The following SLC44A1 variants were observed in gnomAD, a reference collection of about 807,000 sequenced individuals.
SLC44A1 encodes choline transporter-like protein 1.
Under a neutral mutation model 79.3 loss-of-function variants are expected in SLC44A1, and 26 were observed. The observed-to-expected ratio is 0.33, with a 90% CI of 0.24 to 0.46. The LOEUF (loss-of-function observed/expected upper bound fraction) is 0.46, where lower values mean the gene tolerates loss of function less well. SLC44A1 is among the 20% of genes least tolerant of loss of function. The pLI, the probability that SLC44A1 is intolerant of heterozygous loss-of-function variation, is 1.00. For missense variants in SLC44A1, 688 were observed against 798.1 expected, an observed-to-expected ratio of 0.86 and a Z score of 1.66; for synonymous variants, 263 against 286.2, an observed-to-expected ratio of 0.92 and a Z score of 0.82.
At chr9:105,271,193 C>A (rs918435626) in intron 1 of SLC44A1, among the ~76,000 whole-genome samples, 2 of 152,194 alleles carry the variant, frequency 1.3e-5, no homozygotes, top group Admixed American at 1.3e-4. Flanking sequence ...ATAATCTTGA[C>A]AGGTTTTCTC....
intron 1 of SLC44A1, among the ~76,000 whole-genome samples, chr9:105,292,107 GGCT>G (rs1388266325): frequency 6.6e-6 from 1 of 152,116 alleles, no homozygotes; most frequent in Non-Finnish European, 1.5e-5. Context: ...CAGCCTCCGA[GGCT>G]GCTATTTATT....
chr9:105,369,918 C>T (rs1399977784), intron 12 of SLC44A1, among the ~76,000 whole-genome samples: 2 of 152,216 alleles, frequency 1.3e-5, no homozygotes. Flanking sequence ...CCAGGGATTG[C>T]GTAGGCTAAC....
intron 1 of SLC44A1, among the ~76,000 whole-genome samples, chr9:105,246,840 C>T (rs762201008): frequency 2.6e-5 from 4 of 152,214 alleles, no homozygotes; most frequent in Non-Finnish European, 5.9e-5. Flanking sequence ...GTGGGTCTTG[C>T]ATTTGTCTAG....
rs1250696637 is a variant in SLC44A1 at position 105,391,941 on chromosome 9, C to T, written c.*2885C>T. 5.1e-6 allele frequency: 5 copies of T among 985,048 alleles called. No individual in the cohort carries two copies. The highest frequency in any genetic ancestry group is 4.7e-5 in the South Asian group (1 of 21,272). The allele number at this position is 985,048 out of a possible 1,614,324, so 61.0% of individuals were successfully genotyped here. A position where few individuals can be genotyped will look rare whatever the true frequency, so the allele number is the denominator to read the frequency against. On this transcript the variant is annotated 3_prime_UTR_variant, in exon 16 of 16. Transcript: ENST00000374720. ...TCAATTGTAGTAGTGACCAGAGTATCGTGGTTTTTGCCATCAGATAATTAA... is the reference window on the plus strand; with the variant it reads ...TCAATTGTAGTAGTGACCAGAGTATTGTGGTTTTTGCCATCAGATAATTAA...
At chr9:105,261,849 G>A (rs574246760) in intron 1 of SLC44A1, among the ~76,000 whole-genome samples, 24 of 145,424 alleles carry the variant, frequency 1.7e-4, no homozygotes, top group Admixed American at 7.2e-4. Flanking sequence ...GCACGATCTC[G>A]GCTCACTGCA....
intron 5 of SLC44A1, among the ~76,000 whole-genome samples, chr9:105,351,449 G>A (rs1329022769): frequency 2.6e-5 from 4 of 151,724 alleles, no homozygotes; most frequent in East Asian, 3.9e-4. Context: ...CATGAGAATC[G>A]CTTGAACCTG....
intron 1 of SLC44A1, among the ~76,000 whole-genome samples, chr9:105,284,209 A>G (rs149956306): frequency 2.1e-5 from 3 of 140,834 alleles, no homozygotes; most frequent in East Asian, 2.0e-4. Context: ...TCCATTTCCT[A>G]TTTTCTGACA....
chr9:105,411,452 ATG>A (rs143819316), intron 15 of SLC44A1, among the ~76,000 whole-genome samples: 5,285 of 126,884 alleles, frequency 0.042, 93 homozygotes, highest in Middle Eastern at 0.094. Context: ...CTCTCTGTGT[ATG>A]TGTGTGTGTG....
chr9:105,286,774 G>T (rs1304175300), intron 1 of SLC44A1, among the ~76,000 whole-genome samples: 1 of 152,034 alleles, frequency 6.6e-6, no homozygotes, highest in African/African-American at 2.4e-5. Context: ...ACCAGCCTGG[G>T]CAACATAAAC....
intron 1 of SLC44A1, among the ~76,000 whole-genome samples, chr9:105,276,097 T>G (rs897225187): frequency 1.1e-4 from 17 of 152,112 alleles, no homozygotes; most frequent in African/African-American, 3.9e-4. Context: ...TGAGCCTCCG[T>G]GCCTGCCTGG....
rs190518918 is a variant in SLC44A1 at position 105,389,182 on chromosome 9, C to T, written c.*126C>T. ...GTGTGTATATATGTATATGTATATACACACACACACATAAATCAGCCAAAA... is the reference window on the plus strand; with the variant it reads ...GTGTGTATATATGTATATGTATATATACACACACACATAAATCAGCCAAAA... On this transcript the variant is annotated 3_prime_UTR_variant, in exon 16 of 16. Coordinates refer to ENST00000374720, the MANE Select transcript of SLC44A1 (RefSeq NM_080546.5). 6.3e-6 allele frequency: 8 copies of T among 1,278,782 alleles called. No individual in the cohort carries two copies. The highest frequency in any genetic ancestry group is 2.8e-5 in the East Asian group (1 of 35,998). 79.2% of individuals were successfully genotyped at this position (1,278,782 alleles called of 1,614,324 possible).
intron 5 of SLC44A1, among the ~76,000 whole-genome samples, chr9:105,351,604 A>AGAGAAAG (rs1564452806): frequency 7.1e-5 from 4 of 56,714 alleles, no homozygotes; most frequent in African/African-American, 1.9e-4. Context: ...AAGAGAAAGA[A>AGAGAAAG]AGAAAGAAAG....
At chr9:105,359,337 G>A (rs958594431) in intron 7 of SLC44A1, among the ~76,000 whole-genome samples, 1 of 151,978 alleles carries the variant, frequency 6.6e-6, no homozygotes. Context: ...GAAGATGACA[G>A]CAGAAGAATA....
At chr9:105,372,333 GGCTGGA>G (rs1159326825) in intron 12 of SLC44A1, among the ~76,000 whole-genome samples, 1 of 152,028 alleles carries the variant, frequency 6.6e-6, no homozygotes, top group Non-Finnish European at 1.5e-5. Context: ...CTGTGGCCCA[GGCTGGA>G]GTGCAGTGGC....
In SLC44A1 at chr9:105,385,483, C is replaced by T. The variant is rs763129667; in HGVS notation, c.1931C>T (p.Ser644Phe). Residue 644 changes from serine to phenylalanine, a missense_variant, in exon 15 of 16, where the codon TCC becomes TTC. Coordinates refer to ENST00000374720, the MANE Select transcript of SLC44A1 (RefSeq NM_080546.5). ...KEAGKGGVADSRELKPMASGA... is the reference protein window; with the variant it reads ...KEAGKGGVADFRELKPMASGA... ...GCTGGTAAGGGAGGCGTCGCTGATT[C>T]CAGAGAGCTAAAGCCGATGGTAGGT... 2.5e-6 allele frequency: 4 copies of T among 1,579,416 alleles called. No homozygotes were observed. In the Admixed American group the frequency reaches 5.6e-5, roughly 22 times the overall value.
At chr9:105,287,997 T>C (rs1313352128) in intron 1 of SLC44A1, among the ~76,000 whole-genome samples, 1 of 152,222 alleles carries the variant, frequency 6.6e-6, no homozygotes. Context: ...ATATAATGTA[T>C]GTTATTTCTT....
Position 105,358,381 on chromosome 9 carries a change from A to G in SLC44A1, c.708A>G (p.Ile236Met). Residue 236 changes from isoleucine to methionine, a missense_variant, in exon 7 of 16, where the codon ATA becomes ATG. Ile to Met is a conservative substitution (Grantham distance 10). Coordinates refer to ENST00000374720, the MANE Select transcript of SLC44A1 (RefSeq NM_080546.5). ...SMILMVIIRYISRVLVWILTI... is the reference protein window; with the variant it reads ...SMILMVIIRYMSRVLVWILTI... ...TTTTGATGGTGATAATCAGGTATAT[A>G]TCAAGAGTACTTGTGTGGATCTTAA... The G allele has an allele frequency of 1.3e-6, 2 of 1,597,672 alleles. No individual in the cohort carries two copies. Among genetic ancestry groups the G allele is most frequent in the Non-Finnish European group, 1.7e-6 (2 of 1,165,162 alleles).
chr9:105,396,902 T>C lies in SLC44A1; in HGVS notation c.*7846T>C. On this transcript the variant is annotated 3_prime_UTR_variant, in exon 16 of 16. Coordinates refer to ENST00000374720, the MANE Select transcript of SLC44A1 (RefSeq NM_080546.5). ...TTTTCTTATTACAGTGTCACTACAC[T>C]GTATTCATGTGGGGGAACAAACATG... 2 of 985,252 alleles carry C rather than the reference T, an allele frequency of 2.0e-6. No individual in the cohort carries two copies. Among genetic ancestry groups the C allele is most frequent in the Non-Finnish European group, 2.4e-6 (2 of 829,748 alleles). 61.0% of individuals were successfully genotyped at this position (985,252 alleles called of 1,614,324 possible).
intron 15 of SLC44A1, among the ~76,000 whole-genome samples, chr9:105,414,351 A>G (rs1477248545): frequency 6.6e-5 from 10 of 152,168 alleles, no homozygotes; most frequent in Admixed American, 6.5e-4. Context: ...CACCACGCCC[A>G]GCCGACAGTT....
Sources: allele counts gnomAD v4.1 joint callset (sites outside exome capture counted in the v4.1 genomes callset), GRCh38; gene constraint gnomAD v4.1.1; transcripts MANE v1.5; gene names NCBI Gene and HGNC (gene_info 2026-07-23, HGNC 2026-07-21).